Variants in POLR3A observed in about 807,000 individuals in gnomAD.
The protein encoded by POLR3A is RNA polymerase III subunit A.
In POLR3A, 112 loss-of-function variants were observed where a neutral mutation model predicts 152.8. That is an observed-to-expected ratio of 0.73 (90% CI 0.63 to 0.86). The LOEUF (loss-of-function observed/expected upper bound fraction) is 0.86, where lower values mean the gene tolerates loss of function less well. POLR3A is among the 40% of genes least tolerant of loss of function. The probability of loss-of-function intolerance (pLI) is 0.00; values close to 1 mark genes in which losing one functional copy is unlikely to be tolerated. For missense variants in POLR3A, 1,385 were observed against 1,743.1 expected, an observed-to-expected ratio of 0.79 and a Z score of 3.66; for synonymous variants, 615 against 652.1, an observed-to-expected ratio of 0.94 and a Z score of 0.87.
chr10:78,000,653 T>C (rs1267069157), intron 18 of POLR3A, among the ~76,000 whole-genome samples: 3 of 152,210 alleles, frequency 2.0e-5, no homozygotes, highest in Non-Finnish European at 4.4e-5. Context: ...AAATTATATA[T>C]GAAGTATAAT....
intron 28 of POLR3A, 38 bp downstream of exon 28, chr10:77,982,116 A>G (rs749418785): frequency 6.3e-7 from 1 of 1,576,282 alleles, no homozygotes; most frequent in Admixed American, 1.7e-5. Context: ...CAAGGAAGAC[A>G]GCCTAACCCT....
Position 78,025,653 on chromosome 10 carries a change from C to G in POLR3A, c.287G>C (p.Gly96Ala), listed in dbSNP as rs773996876. ...GATGCCTATGACTGCTCTGAAGTAC[C>G]CTACATGAAAACACGGCAACTCCAG... ...IDLELPCFHVGYFRAVIGILQ... is the reference protein window; with the variant it reads ...IDLELPCFHVAYFRAVIGILQ... Residue 96 changes from glycine to alanine, a missense_variant, in exon 3 of 31, where the codon GGG (glycine) becomes GCG (alanine). By Grantham distance (60) the Gly-to-Ala change is moderately conservative. This residue lies in a region of POLR3A where 493 missense variants were observed against 647.5 expected (regional missense o/e 0.76). Transcript: ENST00000372371. 9 of 1,614,104 alleles carry G rather than the reference C, an allele frequency of 5.6e-6. No individual in the cohort carries two copies. In the South Asian group the frequency reaches 7.7e-5, roughly 14 times the overall value.
Position 77,985,316 on chromosome 10 carries a change from T to A in POLR3A, c.3096A>T (p.Ala1032=). The change falls in exon 24 of 31, where the codon GCA becomes GCT. Residue 1032 remains alanine, a synonymous_variant. Transcript: ENST00000372371. ...YMRAQMEPGS[A]VGALCAQSIG... is the part of the protein sequence containing the mutation. Reference sequence around the variant, plus strand: ...TGCTCTGGGCACACAGAGCACCCACTGCAGAACCTGGCTCCATCTGTGCCC... The same window carrying A: ...TGCTCTGGGCACACAGAGCACCCACAGCAGAACCTGGCTCCATCTGTGCCC... The A allele has an allele frequency of 6.2e-7, 1 of 1,614,104 alleles. No homozygotes were observed. The highest frequency in any genetic ancestry group is 1.1e-5 in the South Asian group (1 of 91,082).
chr10:78,016,747 C>T (rs1162215122), intron 10 of POLR3A, among the ~76,000 whole-genome samples: 2 of 150,504 alleles, frequency 1.3e-5, no homozygotes, highest in Non-Finnish European at 3.0e-5. Flanking sequence ...CATCATGGCA[C>T]ATGCCTGTAG....
In POLR3A at chr10:77,984,233, C is replaced by T. The variant is rs774684218; in HGVS notation, c.3308G>A (p.Gly1103Glu). 2 of 1,611,902 alleles carry T rather than the reference C, an allele frequency of 1.2e-6. No individual in the cohort carries two copies. The highest frequency in any genetic ancestry group is 1.7e-6 in the Non-Finnish European group (2 of 1,178,154). Reference sequence around the variant, plus strand: ...TCCCAAGAGGGTTTTCTCAATTCTCCCTTTCACGAGGCGAGCATAATCCGC... The same window carrying T: ...TCCCAAGAGGGTTTTCTCAATTCTCTCTTTCACGAGGCGAGCATAATCCGC... The part of the protein sequence containing the change: ...DDADYARLVK[G>E]RIEKTLLGEI... Residue 1103 changes from glycine to glutamate, a missense_variant, in exon 25 of 31, where the codon GGG becomes GAG. Around this residue, in one of 7 missense-constraint regions of POLR3A, gnomAD observed 332 missense variants for 400.1 expected, o/e 0.83. Transcript: ENST00000372371.
chr10:78,022,056 T>C (rs1026743729), intron 6 of POLR3A, 34 bp from the exon 7 acceptor site: 1 of 1,614,150 alleles, frequency 6.2e-7, no homozygotes, highest in Admixed American at 1.7e-5. Flanking sequence ...GAAACAAACC[T>C]GGTCAGTTTG....
intron 10 of POLR3A, among the ~76,000 whole-genome samples, chr10:78,017,204 C>CG (rs997239576): frequency 3.9e-5 from 6 of 151,942 alleles, no homozygotes. Flanking sequence ...GAAGGAGGAT[C>CG]GCTTGAGCCC....
intron 21 of POLR3A, among the ~76,000 whole-genome samples, chr10:77,988,309 G>C (rs1258155651): frequency 6.6e-6 from 1 of 152,094 alleles, no homozygotes; most frequent in African/African-American, 2.4e-5. Context: ...ATCACCTGAG[G>C]TCAGGAGTTG....
chr10:78,026,042 G>A, intron 2 of POLR3A, 52 bp downstream of exon 2: 3 of 1,608,760 alleles, frequency 1.9e-6, no homozygotes, highest in Non-Finnish European at 2.6e-6. Context: ...TAAGTCACCA[G>A]TTTTATCAGC....
chr10:78,024,492 G>T (rs572650396), intron 5 of POLR3A, 57 bp downstream of exon 5: 16 of 1,582,716 alleles, frequency 1.0e-5, no homozygotes, highest in African/African-American at 1.3e-5. Flanking sequence ...TGCATGTGAC[G>T]TGCGGAAGAG....
At chr10:78,021,442 GTGGGTTAC>G in intron 8 of POLR3A, 96 bp downstream of exon 8, 1 of 1,121,170 alleles carries the variant, frequency 8.9e-7, no homozygotes, top group African/African-American at 1.5e-5. Context: ...TGTGGGTTGA[GTGGGTTAC>G]TGGGGACTTT....
intron 19 of POLR3A, among the ~76,000 whole-genome samples, chr10:77,998,289 C>A (rs990119577): frequency 6.6e-6 from 1 of 152,020 alleles, no homozygotes; most frequent in Non-Finnish European, 1.5e-5. Flanking sequence ...CAACAAAAGC[C>A]AAAATTGACA....
intron 9 of POLR3A, among the ~76,000 whole-genome samples, chr10:78,018,286 G>T (rs886355227): frequency 1.3e-5 from 2 of 151,906 alleles, no homozygotes; most frequent in Non-Finnish European, 2.9e-5. Context: ...GGATCACCAG[G>T]TCAGGAGTTC....
chr10:77,978,942 G>A (rs182737291), intron 30 of POLR3A, among the ~76,000 whole-genome samples: 64 of 152,114 alleles, frequency 4.2e-4, no homozygotes, highest in African/African-American at 1.4e-3. Context: ...GATTACAGGC[G>A]TGAGCCACCG....
chr10:77,981,604 C>T, intron 28 of POLR3A, 45 bp from the exon 29 acceptor site: 1 of 1,610,142 alleles, frequency 6.2e-7, no homozygotes, highest in Non-Finnish European at 8.5e-7. Flanking sequence ...TTCCGGGAGG[C>T]CACTGCAAAT....
At chr10:77,984,324 C>T in intron 24 of POLR3A, 26 bp from the exon 25 acceptor site, 2 of 1,386,768 alleles carry the variant, frequency 1.4e-6, no homozygotes, top group Non-Finnish European at 2.1e-6. Context: ...GGAAAAATGG[C>T]ACTAGCACAA....
chr10:78,007,804 C>G lies in POLR3A; in HGVS notation c.1972G>C (p.Gly658Arg). Reference protein sequence around the residue: ...GSMDKGTLGSGSKNNIFYILL... With the variant: ...GSMDKGTLGSRSKNNIFYILL... ...ATGTAAAAAATATTGTTCTTGGATCCTGACCCTAGGGTTCCTTTGTCCATG... is the reference window on the plus strand; with the variant it reads ...ATGTAAAAAATATTGTTCTTGGATCGTGACCCTAGGGTTCCTTTGTCCATG... Residue 658 changes from glycine to arginine, a missense_variant, in exon 15 of 31, where the codon GGA becomes CGA. This residue lies in a region of POLR3A where 188 missense variants were observed against 179.9 expected (regional missense o/e 1.04). Coordinates refer to ENST00000372371, the MANE Select transcript of POLR3A (RefSeq NM_007055.4). The G allele has an allele frequency of 6.2e-7, 1 of 1,613,950 alleles. No homozygotes were observed. The highest frequency in any genetic ancestry group is 8.5e-7 in the Non-Finnish European group (1 of 1,179,808).
Position 78,022,208 on chromosome 10 carries a change from G to A in POLR3A, c.822C>T (p.Thr274=). 1 of 1,614,102 alleles carries A rather than the reference G, an allele frequency of 6.2e-7. No individual in the cohort carries two copies. Among genetic ancestry groups the A allele is most frequent in the Non-Finnish European group, 8.5e-7 (1 of 1,179,978 alleles). Residue 274 remains threonine (T), a synonymous_variant, in exon 6 of 31, where the codon ACC becomes ACT. Transcript: ENST00000372371. ...PSVVSDLKSG[T]NEDDLTMKLT... ...GTTTCATTGTCAGATCATCTTCATT[G>A]GTGCCAGACTTCAAATCACTCACAA... is the stretch of plus-strand genomic sequence containing the variant.
intron 11 of POLR3A, 47 bp from the exon 12 acceptor site, chr10:78,010,587 A>C (rs1267701676): frequency 7.5e-7 from 1 of 1,331,156 alleles, no homozygotes; most frequent in Non-Finnish European, 1.1e-6. Flanking sequence ...CGGATGCATG[A>C]TGCAGCCCAA....
Sources: gnomAD v4.1 joint callset for allele counts (sites outside exome capture counted in the v4.1 genomes callset) on GRCh38, gnomAD v4.1.1 for gene constraint, gnomAD v4.1.1 regional missense constraint, MANE v1.5 for transcripts, NCBI Gene and HGNC (gene_info 2026-07-23, HGNC 2026-07-21) for gene names.